BBX: variants seen among roughly 807,000 people sequenced by gnomAD.
The protein encoded by BBX is HMG box transcription factor BBX.
Under a neutral mutation model 100.2 loss-of-function variants are expected in BBX, and 30 were observed. The observed-to-expected ratio is 0.30, with a 90% confidence interval of 0.22 to 0.41. BBX has a LOEUF of 0.41. BBX is among the 10% of genes least tolerant of loss of function. The probability of loss-of-function intolerance (pLI) is 1.00; values close to 1 mark genes in which losing one functional copy is unlikely to be tolerated. For synonymous variants in BBX, 376 were observed against 388.1 expected (o/e 0.97, Z 0.37); for missense variants, 1,023 against 1,129.8 (o/e 0.91, Z 1.35).
At chr3:107,550,140 C>T (rs569753648) in intron 2 of BBX, among the ~76,000 whole-genome samples, 1 of 152,178 alleles carries the variant, frequency 6.6e-6, no homozygotes, top group Non-Finnish European at 1.5e-5. Context: ...TACATGCTCA[C>T]AAGGAGTGTA....
intron 4 of BBX, among the ~76,000 whole-genome samples, chr3:107,716,294 T>C (rs546249638): frequency 6.6e-6 from 1 of 152,226 alleles, no homozygotes; most frequent in African/African-American, 2.4e-5. Flanking sequence ...TAAAGGTGAA[T>C]AAGAGCTTTT....
intron 5 of BBX, among the ~76,000 whole-genome samples, chr3:107,717,649 T>A (rs2062199478): frequency 6.6e-6 from 1 of 152,156 alleles, no homozygotes; most frequent in South Asian, 2.1e-4. Context: ...GGAAGGCTAT[T>A]CAGAAAGGTG....
chr3:107,671,019 A>G (rs1559944609), intron 3 of BBX, among the ~76,000 whole-genome samples: 1 of 151,978 alleles, frequency 6.6e-6, no homozygotes, highest in Non-Finnish European at 1.5e-5. Context: ...CGTAGATCAG[A>G]TTGCTGTTTT....
intron 2 of BBX, among the ~76,000 whole-genome samples, chr3:107,632,847 T>C (rs2056628364): frequency 6.6e-6 from 1 of 152,228 alleles, no homozygotes; most frequent in Admixed American, 6.5e-5. Flanking sequence ...GTCTGTAAGA[T>C]ACAAATTAGA....
chr3:107,611,640 C>T (rs761448803), intron 2 of BBX, among the ~76,000 whole-genome samples: 2 of 151,986 alleles, frequency 1.3e-5, no homozygotes, highest in African/African-American at 2.4e-5. Context: ...TGTTTCTTTC[C>T]TCTTGATGTT....
intron 7 of BBX, among the ~76,000 whole-genome samples, chr3:107,734,318 T>G (rs1486930828): frequency 6.6e-6 from 1 of 152,218 alleles, no homozygotes. Context: ...GTGTAAAAAA[T>G]GCACTGGTAG....
Position 107,741,417 on chromosome 3 carries a change from T to C in BBX, c.670-3213T>C, listed in dbSNP as rs181265682. On this transcript the variant is annotated intron_variant, in intron 7 of 17. Coordinates refer to ENST00000325805, the MANE Select transcript of BBX (RefSeq NM_001142568.3). ...TAACTAAATCAAAGAGAGGATTGAA[T>C]TTGGGGAAATCAAATGAATATGTAC... Among the ~76,000 whole-genome samples, 5 of 152,306 alleles carry C rather than the reference T, an allele frequency of 3.3e-5. No homozygotes were observed. In the East Asian group the frequency reaches 9.6e-4, roughly 29 times the overall value.
rs150290275 is a variant in BBX, at chr3:107,706,654, A to T, written c.-9-3798A>T. On this transcript the variant is annotated intron_variant, in intron 3 of 17. Transcript: ENST00000325805. ...TAACGTCTTTTGAATAAAGTCCAACATTTGCTTCATTTACTGCATAGAGGT... is the reference window on the plus strand; with the variant it reads ...TAACGTCTTTTGAATAAAGTCCAACTTTTGCTTCATTTACTGCATAGAGGT... 2.6e-5 allele frequency among the ~76,000 whole-genome samples: 4 copies of T among 152,314 alleles called. No homozygotes were observed. In the East Asian group the frequency reaches 7.7e-4, roughly 29 times the overall value.
chr3:107,652,852 AT>A (rs1374253688), intron 3 of BBX, among the ~76,000 whole-genome samples: 2 of 152,194 alleles, frequency 1.3e-5, no homozygotes, highest in Non-Finnish European at 2.9e-5. Context: ...ACATAAACAT[AT>A]GTATATATGT....
chr3:107,710,662 G>T, intron 4 of BBX, 40 bp downstream of exon 4: 1 of 1,506,202 alleles, frequency 6.6e-7, no homozygotes, highest in South Asian at 1.3e-5. Flanking sequence ...AAGTTTATTA[G>T]AGCAAATCAT....
chr3:107,658,957 GTA>G (rs2058294168), intron 3 of BBX, among the ~76,000 whole-genome samples: 1 of 152,074 alleles, frequency 6.6e-6, no homozygotes, highest in Non-Finnish European at 1.5e-5. Context: ...AATTTGACCT[GTA>G]ACACCTTTGA....
Position 107,616,005 on chromosome 3 carries a change from C to CTTTTTTTT in BBX, c.-83-29801_-83-29794dup, listed in dbSNP as rs59614452. Among the ~76,000 whole-genome samples the CTTTTTTTT allele has an allele frequency of 8.3e-4, 16 of 19,246 alleles. 1 individual carries two copies. The highest frequency in any genetic ancestry group is 1.9e-3 in the South Asian group (1 of 520). 12.6% of individuals were successfully genotyped at this position (19,246 alleles called of 152,430 possible). A position where few individuals can be genotyped will look rare whatever the true frequency, so the allele number is the denominator to read the frequency against. On this transcript the variant is annotated intron_variant, in intron 2 of 17. Coordinates refer to ENST00000325805, the MANE Select transcript of BBX (RefSeq NM_001142568.3). ...AGGAGAAGCACACGCTACTCACCTG[C>CTTTTTTTT]TTTTTTTTTTTTTTTTTTTTTTTTT...
rs1033796430 is a variant in BBX at position 107,805,632 on chromosome 3, C to G, written c.*175C>G. ...TTAGCATCCTGGGCCAGTTTGTTCT[C>G]TCAGAACCCAGAATCTTTGAGGGTA... is the stretch of plus-strand genomic sequence containing the variant. On this transcript the variant is annotated 3_prime_UTR_variant, in exon 18 of 18. Transcript: ENST00000325805. 17 of 1,237,952 alleles carry G rather than the reference C, an allele frequency of 1.4e-5. No homozygotes were observed. The Admixed American group carries it at 4.4e-4, about 32-fold the overall frequency. 76.7% of individuals were successfully genotyped at this position (1,237,952 alleles called of 1,614,324 possible). A position where few individuals can be genotyped will look rare whatever the true frequency, so the allele number is the denominator to read the frequency against.
rs1234529700 is a variant in BBX at position 107,584,065 on chromosome 3, ATATAT to A, written c.-84+57673_-84+57677del. 5.4e-3 allele frequency among the ~76,000 whole-genome samples: 94 copies of A among 17,492 alleles called. 5 individuals carry two copies. The highest frequency in any genetic ancestry group is 0.021 in the African/African-American group (76 of 3,542). 11.5% of individuals were successfully genotyped at this position (17,492 alleles called of 152,430 possible). On this transcript the variant is annotated intron_variant, in intron 2 of 17. Transcript: ENST00000325805. ...ATATATTATATATATTATATATATC[ATATAT>A]TATATATATTATATATATCATATAT...
At chr3:107,776,616 T>A (rs908739675) in intron 12 of BBX, among the ~76,000 whole-genome samples, 2 of 152,190 alleles carry the variant, frequency 1.3e-5, no homozygotes, top group African/African-American at 4.8e-5. Flanking sequence ...AACCTTTTTT[T>A]ATCTCAGAAA....
chr3:107,737,796 T>C (rs2063736056), intron 7 of BBX, among the ~76,000 whole-genome samples: 1 of 151,676 alleles, frequency 6.6e-6, no homozygotes, highest in South Asian at 2.1e-4. Context: ...GTTTACAGCT[T>C]ATGCATCAAG....
At chr3:107,642,107 G>A (rs998794975) in intron 2 of BBX, among the ~76,000 whole-genome samples, 36 of 152,286 alleles carry the variant, frequency 2.4e-4, no homozygotes, top group South Asian at 1.0e-3. Flanking sequence ...TTGCATAACA[G>A]TTGGTATAAC....
chr3:107,576,160 A>G (rs1440465070), intron 2 of BBX, among the ~76,000 whole-genome samples: 1 of 152,224 alleles, frequency 6.6e-6, no homozygotes, highest in Non-Finnish European at 1.5e-5. Context: ...AATTTTTACC[A>G]CGACCAGTGG....
chr3:107,774,709 A>G lies in BBX; in HGVS notation c.1916-10A>G. 6.2e-7 allele frequency: 1 copy of G among 1,611,516 alleles called. No individual in the cohort carries two copies. Among genetic ancestry groups the G allele is most frequent in the Non-Finnish European group, 8.5e-7 (1 of 1,178,900 alleles). On this transcript the variant is annotated splice_polypyrimidine_tract_variant and intron_variant, in intron 11 of 17. Coordinates refer to ENST00000325805, the MANE Select transcript of BBX (RefSeq NM_001142568.3). ...ATACCAAACACATCCTTTCTCTTGA[A>G]TTTTCTTAGGAAAACGAAGCTCAGG...
Sources: allele counts gnomAD v4.1 joint callset (sites outside exome capture counted in the v4.1 genomes callset), GRCh38; gene constraint gnomAD v4.1.1; transcripts MANE v1.5; gene names NCBI Gene and HGNC (gene_info 2026-07-23, HGNC 2026-07-21).